ELOVL2: variants seen among roughly 807,000 people sequenced by gnomAD.
ELOVL2 encodes the protein very long chain fatty acid elongase 2.
A neutral mutation model predicts 37.7 loss-of-function variants in ELOVL2; 38 were observed. The observed-to-expected ratio is 1.01, with a 90% CI of 0.78 to 1.32. The LOEUF is 1.32. Among genes scored for constraint, ELOVL2 ranks in the 40% most tolerant of loss-of-function variants. The pLI, the probability that ELOVL2 is intolerant of heterozygous loss-of-function variation, is 0.00. For synonymous variants in ELOVL2, 115 were observed against 122.3 expected (o/e 0.94, Z 0.40); for missense variants, 352 against 363.6 (o/e 0.97, Z 0.26).
At chr6:11,037,539 T>C (rs534141049) in intron 1 of ELOVL2, among the ~76,000 whole-genome samples, 3 of 139,012 alleles carry the variant, frequency 2.2e-5, no homozygotes, top group Non-Finnish European at 3.2e-5. Flanking sequence ...CTCGTTCTAC[T>C]AAAAAAAAAA....
rs1252189564 is a variant in ELOVL2 at position 10,980,909 on chromosome 6, C to T, written c.*2872G>A. The T allele has an allele frequency of 6.6e-6, 1 of 152,534 alleles. No homozygotes were observed. Among genetic ancestry groups the T allele is most frequent in the East Asian group, 1.9e-4 (1 of 5,200 alleles). 9.4% of individuals were successfully genotyped at this position (152,534 alleles called of 1,614,324 possible). A position where few individuals can be genotyped will look rare whatever the true frequency, so the allele number is the denominator to read the frequency against. ...CTTTCAAAGGAAAACAAAGCGATATCCATATTTTCCAAACAAGGAAGCCCC... is the reference window on the plus strand; with the variant it reads ...CTTTCAAAGGAAAACAAAGCGATATTCATATTTTCCAAACAAGGAAGCCCC... On this transcript the variant is annotated 3_prime_UTR_variant, in exon 8 of 8. Transcript: ENST00000354666.
intron 5 of ELOVL2, 42 bp from the exon 6 acceptor site, chr6:10,990,484 G>A (rs766723872): frequency 2.6e-6 from 4 of 1,531,012 alleles, no homozygotes; most frequent in South Asian, 2.7e-5. Flanking sequence ...TTCCAGGAAG[G>A]ACTGTTCATT....
chr6:10,996,965 G>C lies in ELOVL2; in HGVS notation c.334-1787C>G, dbSNP rs558988948. Among the ~76,000 whole-genome samples the C allele has an allele frequency of 5.3e-5, 8 of 151,552 alleles. No homozygotes were observed. The South Asian group carries it at 1.3e-3, about 24-fold the overall frequency. ...GCAGAGGTTGCACTGAGCCGAGATG[G>C]CACCACTGCACTCCAGCCTGGGCAA... On this transcript the variant is annotated intron_variant, in intron 4 of 7. Coordinates refer to ENST00000354666, the MANE Select transcript of ELOVL2 (RefSeq NM_017770.4).
At chr6:10,991,930 T>TCAAA (rs575243622) in intron 5 of ELOVL2, among the ~76,000 whole-genome samples, 348 of 152,312 alleles carry the variant, frequency 2.3e-3, no homozygotes, top group African/African-American at 7.8e-3. Context: ...CTCTGGTAGG[T>TCAAA]CAAAGTATCA....
intron 3 of ELOVL2, among the ~76,000 whole-genome samples, chr6:11,004,609 A>T (rs1329679529): frequency 6.6e-6 from 1 of 152,000 alleles, no homozygotes; most frequent in East Asian, 1.9e-4. Context: ...CTGAGCTAAA[A>T]CGTCAGTGTT....
chr6:10,992,719 C>G (rs1446254788), intron 5 of ELOVL2, among the ~76,000 whole-genome samples: 1 of 146,014 alleles, frequency 6.8e-6, no homozygotes, highest in Non-Finnish European at 1.5e-5. Context: ...AACCCGGAGG[C>G]AGAGGTTGCA....
intron 7 of ELOVL2, among the ~76,000 whole-genome samples, chr6:10,986,779 A>G (rs1314719570): frequency 1.3e-5 from 2 of 152,142 alleles, no homozygotes; most frequent in African/African-American, 4.8e-5. Context: ...TTTTGCATCA[A>G]TGTTCATCAA....
intron 1 of ELOVL2, among the ~76,000 whole-genome samples, chr6:11,042,912 C>T (rs1783124575): frequency 2.0e-5 from 3 of 151,860 alleles, no homozygotes; most frequent in Non-Finnish European, 4.4e-5. Flanking sequence ...ATCTAGCAAG[C>T]AATGAACGAA....
At chr6:10,992,591 C>A (rs887715256) in intron 5 of ELOVL2, among the ~76,000 whole-genome samples, 5 of 151,774 alleles carry the variant, frequency 3.3e-5, no homozygotes, top group Non-Finnish European at 2.9e-5. Flanking sequence ...GAGATCAAGA[C>A]CATCCTGGCC....
intron 1 of ELOVL2, among the ~76,000 whole-genome samples, chr6:11,039,118 G>C (rs1033730751): frequency 6.6e-6 from 1 of 152,214 alleles, no homozygotes; most frequent in Non-Finnish European, 1.5e-5. Flanking sequence ...CCAAAGGGCA[G>C]CCAATGTAAA....
intron 2 of ELOVL2, among the ~76,000 whole-genome samples, chr6:11,009,480 C>T (rs1782536308): frequency 6.6e-6 from 1 of 152,134 alleles, no homozygotes; most frequent in African/African-American, 2.4e-5. Flanking sequence ...AGCGAAACTG[C>T]TGCTAAGGGG....
At chr6:11,008,321 A>T (rs1266094966) in intron 2 of ELOVL2, among the ~76,000 whole-genome samples, 1 of 152,206 alleles carries the variant, frequency 6.6e-6, no homozygotes, top group Non-Finnish European at 1.5e-5. Flanking sequence ...TCCTCAATTG[A>T]TCCCACATCC....
At chr6:11,029,334 G>A (rs1336005042) in intron 1 of ELOVL2, among the ~76,000 whole-genome samples, 4 of 151,612 alleles carry the variant, frequency 2.6e-5, no homozygotes, top group East Asian at 1.9e-4. Context: ...AAGTCGCTGC[G>A]TAACTTTGGG....
chr6:11,036,270 T>C (rs1268507134), intron 1 of ELOVL2, among the ~76,000 whole-genome samples: 1 of 152,252 alleles, frequency 6.6e-6, no homozygotes, highest in Non-Finnish European at 1.5e-5. Flanking sequence ...TTAAAAGCTT[T>C]GATGTCATAA....
At chr6:10,989,579 CA>C in intron 7 of ELOVL2, 123 bp downstream of exon 7, 1 of 885,786 alleles carries the variant, frequency 1.1e-6, no homozygotes, top group Non-Finnish European at 1.7e-6. Flanking sequence ...GCGGAGGTTG[CA>C]GTGAGCTGAG....
intron 1 of ELOVL2, among the ~76,000 whole-genome samples, chr6:11,019,623 G>C (rs953244388): frequency 6.6e-6 from 1 of 150,602 alleles, no homozygotes; most frequent in African/African-American, 2.4e-5. Context: ...ACATCAAACT[G>C]TTAACAGTGA....
chr6:11,038,316 T>C (rs988553245), intron 1 of ELOVL2, among the ~76,000 whole-genome samples: 1 of 152,102 alleles, frequency 6.6e-6, no homozygotes, highest in Non-Finnish European at 1.5e-5. Flanking sequence ...CACACATATA[T>C]GTAAAGTAAA....
At chr6:11,021,437 CT>C (rs1445934288) in intron 1 of ELOVL2, among the ~76,000 whole-genome samples, 1 of 152,172 alleles carries the variant, frequency 6.6e-6, no homozygotes, top group African/African-American at 2.4e-5. Flanking sequence ...CACTTTTGAC[CT>C]CTTTTTCCTT....
At chr6:11,030,062 G>A (rs1782898756) in intron 1 of ELOVL2, among the ~76,000 whole-genome samples, 1 of 152,196 alleles carries the variant, frequency 6.6e-6, no homozygotes, top group African/African-American at 2.4e-5. Flanking sequence ...AAATGTAATT[G>A]GTTGCAGCTA....
Sources: allele counts gnomAD v4.1 joint callset (sites outside exome capture counted in the v4.1 genomes callset), GRCh38; gene constraint gnomAD v4.1.1; transcripts MANE v1.5; gene names NCBI Gene and HGNC (gene_info 2026-07-23, HGNC 2026-07-21).